DYNC1H1: variants seen among roughly 807,000 people sequenced by gnomAD.
DYNC1H1 encodes cytoplasmic dynein 1 heavy chain 1.
DYNC1H1 carries 51 observed loss-of-function variants against 527.1 expected under a neutral mutation model. That is an observed-to-expected ratio of 0.10 (90% confidence interval 0.08 to 0.12). DYNC1H1 has a LOEUF of 0.12. Among genes scored for constraint, DYNC1H1 ranks in the 10% least tolerant of loss-of-function variants. DYNC1H1 has a pLI of 1.00. For missense variants in DYNC1H1, 2,771 were observed against 5,971.8 expected (o/e 0.46, Z 17.66); for synonymous variants, 2,189 against 2,278.8 (o/e 0.96, Z 1.12).
chr14:101,978,046 C>T (rs560272281), intron 2 of DYNC1H1, among the ~76,000 whole-genome samples: 16 of 152,270 alleles, frequency 1.1e-4, no homozygotes, highest in African/African-American at 3.4e-4. Flanking sequence ...GCCACCACAC[C>T]TGGCTAATTT....
chr14:102,040,705 T>A, intron 64 of DYNC1H1, 32 bp downstream of exon 64: 1 of 1,613,046 alleles, frequency 6.2e-7, no homozygotes. Context: ...TTTCTGGACC[T>A]GAATGTAAAG....
intron 23 of DYNC1H1, 83 bp downstream of exon 23, chr14:102,003,048 G>T: frequency 6.3e-7 from 1 of 1,576,658 alleles, no homozygotes. Context: ...TCCCTTCTGG[G>T]CCTGTGTTTG....
intron 1 of DYNC1H1, among the ~76,000 whole-genome samples, chr14:101,973,274 C>T (rs2047760491): frequency 6.6e-6 from 1 of 151,530 alleles, no homozygotes; most frequent in Non-Finnish European, 1.5e-5. Flanking sequence ...TTCTCTTACC[C>T]CAACCTCCCA....
chr14:102,012,383 A>G lies in DYNC1H1; in HGVS notation c.6927A>G (p.Pro2309=). 6.2e-7 allele frequency: 1 copy of G among 1,614,238 alleles called. No individual in the cohort carries two copies. Among genetic ancestry groups the G allele is most frequent in the African/African-American group, 1.3e-5 (1 of 75,068 alleles). Residue 2309 remains proline, a synonymous_variant, in exon 34 of 78, where the codon CCA becomes CCG. Coordinates refer to ENST00000360184, the MANE Select transcript of DYNC1H1 (RefSeq NM_001376.5). This position sits in a 1 kb window ranked among gnomAD's most constrained non-coding sequence, Gnocchi z 4.9. ...TCGTCTTCGATGGCGATGTGGATCCAGAGTGGGTTGAGAACTTGAACTCAG... is the reference window on the plus strand; with the variant it reads ...TCGTCTTCGATGGCGATGTGGATCCGGAGTGGGTTGAGAACTTGAACTCAG... ...QWIVFDGDVD[P]EWVENLNSVL...
rs2048310106 is a variant in DYNC1H1, at chr14:102,015,524, T to C, written c.7242+192T>C. 6.6e-6 allele frequency among the ~76,000 whole-genome samples: 1 copy of C among 152,204 alleles called. No individual in the cohort carries two copies. The highest frequency in any genetic ancestry group is 2.1e-4 in the South Asian group (1 of 4,832). On this transcript the variant is annotated intron_variant, in intron 35 of 77. Coordinates refer to ENST00000360184, the MANE Select transcript of DYNC1H1 (RefSeq NM_001376.5). This position sits in a 1 kb window ranked among gnomAD's most constrained non-coding sequence, Gnocchi z 6.9. ...CAACTTTTGTGTAATCAATGTTGTCTTCTGCCAGCTTAAACAAGGAAGCCC... is the reference window on the plus strand; with the variant it reads ...CAACTTTTGTGTAATCAATGTTGTCCTCTGCCAGCTTAAACAAGGAAGCCC...
intron 52 of DYNC1H1, 161 bp downstream of exon 52, chr14:102,032,628 A>G: frequency 1.1e-6 from 1 of 942,958 alleles, no homozygotes. Flanking sequence ...GAGGCAGGTG[A>G]AGTGCTTGAG....
In DYNC1H1 at chr14:102,027,300, C is replaced by T. The variant is rs779856253; in HGVS notation, c.8886+12C>T. 9.9e-6 allele frequency: 16 copies of T among 1,613,872 alleles called. No individual in the cohort carries two copies. Among genetic ancestry groups the T allele is most frequent in the South Asian group, 3.3e-5 (3 of 91,052 alleles). On this transcript the variant is annotated intron_variant, in intron 45 of 77. Transcript: ENST00000360184. This position sits in a 1 kb window ranked among gnomAD's most constrained non-coding sequence, Gnocchi z 7.7. Reference sequence around the variant, plus strand: ...TGTACCAGATTAAGGTGCGTCTGGTCGGTGGCCTCTTAATCCCAGCAACAG... The same window carrying T: ...TGTACCAGATTAAGGTGCGTCTGGTTGGTGGCCTCTTAATCCCAGCAACAG...
rs760736093 is a variant in DYNC1H1 at position 102,041,620 on chromosome 14, C to T, written c.11988C>T (p.Phe3996=). Residue 3996 remains phenylalanine, a synonymous_variant, in exon 65 of 78, where the codon TTC becomes TTT. Transcript: ENST00000360184. The surrounding 1 kb of genome is among the most constrained non-coding windows in gnomAD (Gnocchi z 4.5). ...AIHRLLLIQA[F]RPDRLLAMAH... ...ACCGCCTGCTCCTGATCCAGGCTTTCCGGCCCGATCGCCTGTTGGCCATGG... is the reference window on the plus strand; with the variant it reads ...ACCGCCTGCTCCTGATCCAGGCTTTTCGGCCCGATCGCCTGTTGGCCATGG... 1 of 1,614,226 alleles carries T rather than the reference C, an allele frequency of 6.2e-7. No homozygotes were observed. Among genetic ancestry groups the T allele is most frequent in the Non-Finnish European group, 8.5e-7 (1 of 1,180,038 alleles).
intron 2 of DYNC1H1, among the ~76,000 whole-genome samples, chr14:101,978,077 C>T (rs558929890): frequency 5.3e-5 from 8 of 152,142 alleles, no homozygotes; most frequent in Middle Eastern, 3.4e-3. Context: ...CTTCTTGAGA[C>T]GAAGTCTCGC....
At chr14:101,980,227 A>G in intron 4 of DYNC1H1, 137 bp from the exon 5 acceptor site, 2 of 1,228,218 alleles carry the variant, frequency 1.6e-6, no homozygotes, top group Non-Finnish European at 1.2e-6. Context: ...ATTTCAAATC[A>G]AGCCACTTTT....
intron 10 of DYNC1H1, among the ~76,000 whole-genome samples, chr14:101,990,443 A>T (rs1182272832): frequency 6.6e-6 from 1 of 152,210 alleles, no homozygotes; most frequent in Non-Finnish European, 1.5e-5. Flanking sequence ...CTGCTGTCTG[A>T]CTTATGTTCT....
rs1339065750 is a variant in DYNC1H1 at position 102,016,564 on chromosome 14, T to C, written c.7614+75T>C. 1 of 1,612,456 alleles carries C rather than the reference T, an allele frequency of 6.2e-7. No individual in the cohort carries two copies. The highest frequency in any genetic ancestry group is 1.3e-5 in the African/African-American group (1 of 74,918). ...AACTCATCCTGGAACAAGCTGACCA[T>C]GGACCTTGGCTTCGTCTTTTCATTT... is the stretch of plus-strand genomic sequence containing the variant. On this transcript the variant is annotated intron_variant, in intron 37 of 77. Coordinates refer to ENST00000360184, the MANE Select transcript of DYNC1H1 (RefSeq NM_001376.5). The surrounding 1 kb of genome is among the most constrained non-coding windows in gnomAD (Gnocchi z 7.3).
At chr14:102,006,694 G>A (rs375310737) in intron 27 of DYNC1H1, among the ~76,000 whole-genome samples, 1 of 151,558 alleles carries the variant, frequency 6.6e-6, no homozygotes, top group Non-Finnish European at 1.5e-5. Flanking sequence ...TCTGCCTCCC[G>A]GGTTCAAGCG....
rs374828002 is a variant in DYNC1H1, at chr14:102,001,222, C to T, written c.4263C>T (p.His1421=). 1.2e-5 allele frequency: 20 copies of T among 1,614,132 alleles called. No individual in the cohort carries two copies. Among genetic ancestry groups the T allele is most frequent in the South Asian group, 1.1e-4 (10 of 91,090 alleles). ...RHWKQLMKRL[H]VNWVVSELTL... ...GGAAACAGCTCATGAAAAGGCTTCA[C>T]GTTAATTGGGTTGTTTCTGAGCTAA... Residue 1421 remains histidine (H), a synonymous_variant, in exon 20 of 78, where the codon CAC becomes CAT. Transcript: ENST00000360184. This position sits in a 1 kb window ranked among gnomAD's most constrained non-coding sequence, Gnocchi z 5.0.
At chr14:101,984,095 G>A (rs575783683) in intron 7 of DYNC1H1, among the ~76,000 whole-genome samples, 3 of 152,224 alleles carry the variant, frequency 2.0e-5, no homozygotes, top group African/African-American at 7.2e-5. Context: ...AGCTTCCTGA[G>A]TAGCTGGGAC....
intron 23 of DYNC1H1, among the ~76,000 whole-genome samples, chr14:102,004,145 C>G (rs1294246969): frequency 3.4e-5 from 5 of 149,010 alleles, no homozygotes; most frequent in African/African-American, 9.9e-5. Flanking sequence ...TTAGGAGGCT[C>G]AGGCAGGAGA....
At position 102,002,736 on chromosome 14, in the gene DYNC1H1, A is replaced by G. The variant is rs1436774749; in HGVS notation, c.4709+33A>G. 1 of 1,614,254 alleles carries G rather than the reference A, an allele frequency of 6.2e-7. No individual in the cohort carries two copies. The highest frequency in any genetic ancestry group is 1.7e-5 in the Admixed American group (1 of 60,032). On this transcript the variant is annotated intron_variant, in intron 22 of 77. Coordinates refer to ENST00000360184, the MANE Select transcript of DYNC1H1 (RefSeq NM_001376.5). This position sits in a 1 kb window ranked among gnomAD's most constrained non-coding sequence, Gnocchi z 4.4. ...CTCCAGCCAGAGAGCCAAATTTGCC[A>G]GCGGCTAGTGACTACTCTACACAAA...
At position 102,011,645 on chromosome 14, in the gene DYNC1H1, G is replaced by A. The variant is rs536245841; in HGVS notation, c.6619-230G>A. Reference sequence around the variant, plus strand: ...TAGGCGCTTGTAAAGCCAGCTACTTGGGAGAGTGAGGAAGGAGAATCACTT... The same window carrying A: ...TAGGCGCTTGTAAAGCCAGCTACTTAGGAGAGTGAGGAAGGAGAATCACTT... On this transcript the variant is annotated intron_variant, in intron 32 of 77. Coordinates refer to ENST00000360184, the MANE Select transcript of DYNC1H1 (RefSeq NM_001376.5). This position sits in a 1 kb window ranked among gnomAD's most constrained non-coding sequence, Gnocchi z 5.3. The A allele has an allele frequency of 1.1e-5, 6 of 556,024 alleles. No homozygotes were observed. Among genetic ancestry groups the A allele is most frequent in the South Asian group, 1.0e-4 (5 of 50,026 alleles). 34.4% of individuals were successfully genotyped at this position (556,024 alleles called of 1,614,324 possible). A position where few individuals can be genotyped will look rare whatever the true frequency, so the allele number is the denominator to read the frequency against.
rs1013407736 is a variant in DYNC1H1 at position 101,982,588 on chromosome 14, T to C, written c.962-431T>C. Among the ~76,000 whole-genome samples the C allele has an allele frequency of 1.3e-5, 2 of 151,604 alleles. 1 individual carries two copies. Among genetic ancestry groups the C allele is most frequent in the South Asian group, 4.2e-4 (2 of 4,814 alleles). The stretch of plus-strand genomic sequence containing the variant: ...GCTTGGGCGACAGAGCAAAACTCCG[T>C]CTCAAAAAAATAAAATAATAGAAAT... On this transcript the variant is annotated intron_variant, in intron 5 of 77. Transcript: ENST00000360184.
Sources: allele counts gnomAD v4.1 joint callset (sites outside exome capture counted in the v4.1 genomes callset), GRCh38; gene constraint gnomAD v4.1.1; non-coding constraint Gnocchi (gnomAD v3.1); transcripts MANE v1.5; gene names NCBI Gene and HGNC (gene_info 2026-07-23, HGNC 2026-07-21).